The following SYNDIG1 variants were observed in gnomAD, a reference collection of about 807,000 sequenced individuals.
SYNDIG1 encodes synapse differentiation-inducing gene protein 1.
A neutral mutation model predicts 19.4 loss-of-function variants in SYNDIG1; 9 were observed. The ratio of observed to expected loss-of-function variants is 0.46; its 90% CI spans 0.28 to 0.81. The LOEUF is 0.81. Among genes scored for constraint, SYNDIG1 ranks in the 30% least tolerant of loss-of-function variants. The pLI is 0.12. For synonymous variants in SYNDIG1, 141 were observed against 145.9 expected (o/e 0.97, Z 0.24); for missense variants, 311 against 343.3 (o/e 0.91, Z 0.74).
intron 2 of SYNDIG1, among the ~76,000 whole-genome samples, chr20:24,553,320 T>C (rs1329948234): frequency 6.6e-6 from 1 of 152,218 alleles, no homozygotes; most frequent in East Asian, 1.9e-4. Context: ...TTTAATGAGA[T>C]CCCATTTGTC....
chr20:24,638,718 AAAAC>A (rs1405022445), intron 3 of SYNDIG1, among the ~76,000 whole-genome samples: 12 of 152,208 alleles, frequency 7.9e-5, no homozygotes, highest in African/African-American at 2.9e-4. Flanking sequence ...ATTGCTACTG[AAAAC>A]AAACAAAAAA....
chr20:24,659,592 C>T (rs1485792805), intron 3 of SYNDIG1, among the ~76,000 whole-genome samples: 1 of 152,144 alleles, frequency 6.6e-6, no homozygotes, highest in South Asian at 2.1e-4. Context: ...AGCTGTGGCC[C>T]GGAAGATGAA....
chr20:24,580,293 G>A (rs576775083), intron 2 of SYNDIG1, among the ~76,000 whole-genome samples: 53 of 152,248 alleles, frequency 3.5e-4, no homozygotes, highest in African/African-American at 1.2e-3. Context: ...CCTTCCTCGC[G>A]AGTGGCATGA....
chr20:24,519,832 C>A (rs983068105), intron 1 of SYNDIG1, among the ~76,000 whole-genome samples: 1 of 151,776 alleles, frequency 6.6e-6, no homozygotes, highest in African/African-American at 2.4e-5. Context: ...CGCACGCACG[C>A]GCACATGCAC....
At chr20:24,557,032 C>G (rs904005780) in intron 2 of SYNDIG1, among the ~76,000 whole-genome samples, 4 of 151,956 alleles carry the variant, frequency 2.6e-5, no homozygotes, top group African/African-American at 9.7e-5. Context: ...TCTAAACTTC[C>G]CTTCTCACTT....
chr20:24,521,961 C>T (rs1402796812), intron 1 of SYNDIG1, among the ~76,000 whole-genome samples: 1 of 151,978 alleles, frequency 6.6e-6, no homozygotes, highest in African/African-American at 2.4e-5. Flanking sequence ...AACCTTTCCC[C>T]TTGGCCCCTA....
intron 2 of SYNDIG1, among the ~76,000 whole-genome samples, chr20:24,554,880 T>C (rs906063296): frequency 4.0e-5 from 6 of 151,886 alleles, no homozygotes; most frequent in African/African-American, 1.5e-4. Flanking sequence ...GAAGGAATAG[T>C]ACCAGTTCCT....
intron 1 of SYNDIG1, chr20:24,491,404 G>T (rs978428132): frequency 6.6e-6 from 1 of 152,292 alleles, no homozygotes; most frequent in African/African-American, 2.4e-5. Context: ...AGGTTGACAG[G>T]TGCAGAAGAT....
chr20:24,521,977 T>C (rs567859400), intron 1 of SYNDIG1, among the ~76,000 whole-genome samples: 1 of 151,830 alleles, frequency 6.6e-6, no homozygotes, highest in South Asian at 2.1e-4. Context: ...CCCTAACATA[T>C]CACTTCATTT....
chr20:24,520,382 G>A (rs543233030), intron 1 of SYNDIG1, among the ~76,000 whole-genome samples: 41 of 152,048 alleles, frequency 2.7e-4, no homozygotes, highest in Non-Finnish European at 5.1e-4. Context: ...AGAAAGTGTA[G>A]AACTAACTTA....
intron 1 of SYNDIG1, among the ~76,000 whole-genome samples, chr20:24,541,619 G>C (rs2057470741): frequency 1.3e-5 from 2 of 152,192 alleles, no homozygotes; most frequent in African/African-American, 4.8e-5. Flanking sequence ...ATGACACGGG[G>C]AACTCAGTGG....
At chr20:24,473,726 G>C (rs1304565987) in intron 1 of SYNDIG1, among the ~76,000 whole-genome samples, 2 of 152,144 alleles carry the variant, frequency 1.3e-5, no homozygotes, top group Non-Finnish European at 2.9e-5. Flanking sequence ...CCAGAATCTG[G>C]AAGGTCCCAT....
intron 1 of SYNDIG1, among the ~76,000 whole-genome samples, chr20:24,539,636 C>T (rs557160985): frequency 6.6e-6 from 1 of 152,294 alleles, no homozygotes; most frequent in African/African-American, 2.4e-5. Flanking sequence ...GATTTTGCTA[C>T]TGATCGCACT....
rs550035401 is a variant in SYNDIG1 at position 24,601,564 on chromosome 20, AAAT to A, written c.618+16575_618+16577del. On this transcript the variant is annotated intron_variant, in intron 3 of 3. Coordinates refer to ENST00000376862, the MANE Select transcript of SYNDIG1 (RefSeq NM_024893.3). ...TTCTAGGATTTTGTCAGTTTCATCA[AAAT>A]AATCAATTTTAATAATATTTTTAAA... Among the ~76,000 whole-genome samples, 740 of 152,302 alleles carry A rather than the reference AAAT, an allele frequency of 4.9e-3. 7 individuals carry two copies. Among genetic ancestry groups the A allele is most frequent in the African/African-American group, 0.017 (694 of 41,570 alleles).
At chr20:24,556,242 G>A (rs1178457920) in intron 2 of SYNDIG1, among the ~76,000 whole-genome samples, 2 of 152,274 alleles carry the variant, frequency 1.3e-5, no homozygotes, top group Middle Eastern at 3.4e-3. Flanking sequence ...ACACTGATGG[G>A]TCTTGACTCT....
intron 1 of SYNDIG1, among the ~76,000 whole-genome samples, chr20:24,506,890 G>A (rs2056606766): frequency 6.6e-6 from 1 of 152,172 alleles, no homozygotes; most frequent in Non-Finnish European, 1.5e-5. Flanking sequence ...GCTGGGCAGT[G>A]GGCAAGAAAG....
chr20:24,640,884 C>T (rs2059369535), intron 3 of SYNDIG1, among the ~76,000 whole-genome samples: 1 of 152,190 alleles, frequency 6.6e-6, no homozygotes, highest in African/African-American at 2.4e-5. Flanking sequence ...ACATGGAGGG[C>T]GCATGGGCAG....
intron 2 of SYNDIG1, among the ~76,000 whole-genome samples, chr20:24,561,371 A>C (rs1227125408): frequency 2.0e-5 from 3 of 152,174 alleles, no homozygotes; most frequent in Admixed American, 1.3e-4. Context: ...CATTTGACCC[A>C]ACCAGAGTTA....
At chr20:24,552,469 C>T (rs867245770) in intron 2 of SYNDIG1, among the ~76,000 whole-genome samples, 2 of 152,202 alleles carry the variant, frequency 1.3e-5, no homozygotes, top group African/African-American at 2.4e-5. Flanking sequence ...CCCCTCACCC[C>T]ACAACAGTCC....
Sources: gnomAD v4.1 joint callset for allele counts (sites outside exome capture counted in the v4.1 genomes callset) on GRCh38, gnomAD v4.1.1 for gene constraint, MANE v1.5 for transcripts, NCBI Gene and HGNC (gene_info 2026-07-23, HGNC 2026-07-21) for gene names.